The following FBXO34 variants were observed in gnomAD, a reference collection of about 807,000 sequenced individuals.
FBXO34 encodes F-box protein 34, also known as F-box only protein 34.
Under a neutral mutation model 24.5 loss-of-function variants are expected in FBXO34, and 12 were observed. The observed-to-expected ratio is 0.49, with a 90% CI of 0.31 to 0.79. The LOEUF (loss-of-function observed/expected upper bound fraction) is 0.79, where lower values mean the gene tolerates loss of function less well. Ranked by LOEUF, FBXO34 falls within the 30% of genes least tolerant of loss-of-function variation. FBXO34 has a pLI of 0.04. For synonymous variants in FBXO34, 320 were observed against 311.9 expected, an observed-to-expected ratio of 1.03 and a Z score of -0.27; for missense variants, 823 against 857.7, an observed-to-expected ratio of 0.96 and a Z score of 0.51.
At chr14:55,442,515 A>C in the FBXO34 span, among the ~76,000 whole-genome samples, 1 of 152,208 alleles carries the variant, frequency 6.6e-6, no homozygotes, top group Non-Finnish European at 1.5e-5. Context: ...CTGCTCAGTA[A>C]AACTGGATGG....
chr14:55,316,435 A>T (rs111280649), intron 1 of FBXO34, among the ~76,000 whole-genome samples: 8 of 151,872 alleles, frequency 5.3e-5, no homozygotes, highest in Non-Finnish European at 8.8e-5. Flanking sequence ...AAAATAAAAA[A>T]AAAAAAATTA....
chr14:55,408,585 A>AGATAG, the FBXO34 span, among the ~76,000 whole-genome samples: 3 of 152,152 alleles, frequency 2.0e-5, no homozygotes, highest in African/African-American at 4.8e-5. Context: ...AGCCTGGACA[A>AGATAG]GATAGGGAGA....
chr14:55,346,167 A>T (rs115287546), intron 1 of FBXO34, among the ~76,000 whole-genome samples: 81 of 152,344 alleles, frequency 5.3e-4, no homozygotes, highest in African/African-American at 1.9e-3. Context: ...CTAGTCTAGT[A>T]GTCATGGTTC....
At chr14:55,308,255 A>G (rs1882621151) in intron 1 of FBXO34, among the ~76,000 whole-genome samples, 2 of 152,194 alleles carry the variant, frequency 1.3e-5, no homozygotes, top group Admixed American at 6.5e-5. Flanking sequence ...TGTTCTAAAC[A>G]TATTTTTCAT....
In FBXO34 at chr14:55,350,627, A is replaced by G. The variant is rs1884322545; in HGVS notation, c.237A>G (p.Val79=). ...VLCSMSGKSP[V]ESSLNVKTKK... ...GCAGTATGAGTGGGAAGAGTCCTGT[A>G]GAGAGCAGCTTGAATGTTAAAACCA... Residue 79 remains valine (V), a synonymous_variant, in exon 2 of 2, where the codon GTA becomes GTG. Coordinates refer to ENST00000313833, the MANE Select transcript of FBXO34 (RefSeq NM_017943.4). 5.0e-6 allele frequency: 8 copies of G among 1,613,540 alleles called. 1 individual carries two copies. Among genetic ancestry groups the G allele is most frequent in the African/African-American group, 1.3e-5 (1 of 74,984 alleles).
chr14:55,311,042 ATATTG>A (rs2139743907), intron 1 of FBXO34, among the ~76,000 whole-genome samples: 2 of 152,322 alleles, frequency 1.3e-5, no homozygotes, highest in African/African-American at 4.8e-5. Context: ...TGCAATTTAC[ATATTG>A]TATTAGTCCA....
At chr14:55,388,959 C>G in the FBXO34 span, among the ~76,000 whole-genome samples, 1 of 150,602 alleles carries the variant, frequency 6.6e-6, no homozygotes, top group Non-Finnish European at 1.5e-5. Context: ...TTTTTTTTTT[C>G]AACATGGCGA....
rs770568478 is a variant in FBXO34 at position 55,281,660 on chromosome 14, A to G, written c.-11+10123A>G. 3.3e-5 allele frequency among the ~76,000 whole-genome samples: 5 copies of G among 152,268 alleles called. No individual in the cohort carries two copies. In the East Asian group the frequency reaches 7.7e-4, roughly 23 times the overall value. On this transcript the variant is annotated intron_variant, in intron 1 of 1. Coordinates refer to ENST00000313833, the MANE Select transcript of FBXO34 (RefSeq NM_017943.4). The stretch of plus-strand genomic sequence containing the variant: ...ATATTACATCTGTTTTACGAAGTCT[A>G]TTCCCATAAAACCTTGTTGGACTCA...
the FBXO34 span, among the ~76,000 whole-genome samples, chr14:55,439,930 C>CAAAAA: frequency 7.7e-5 from 3 of 39,180 alleles, no homozygotes; most frequent in African/African-American, 2.1e-4. Flanking sequence ...GACTCTGTCT[C>CAAAAA]AAAAAAAAAA....
the FBXO34 span, chr14:55,433,607 G>T: frequency 8.2e-6 from 13 of 1,589,694 alleles, no homozygotes; most frequent in African/African-American, 1.7e-4. Flanking sequence ...CTCTGGTAGG[G>T]GTGGAGGGAT....
intron 1 of FBXO34, among the ~76,000 whole-genome samples, chr14:55,300,655 C>T (rs1594737434): frequency 6.6e-6 from 1 of 152,132 alleles, no homozygotes; most frequent in African/African-American, 2.4e-5. Context: ...TTAATGATTA[C>T]ATCTGTGGTT....
the FBXO34 span, among the ~76,000 whole-genome samples, chr14:55,388,708 CA>C: frequency 6.6e-6 from 1 of 152,200 alleles, no homozygotes; most frequent in African/African-American, 2.4e-5. Flanking sequence ...AGCTCTTAAG[CA>C]TGAGTCCGAG....
intron 3 of FBXO34, among the ~76,000 whole-genome samples, chr14:55,358,741 G>A (rs2140101404): frequency 1.3e-5 from 2 of 152,266 alleles, no homozygotes; most frequent in South Asian, 4.1e-4. Context: ...GGGTAGTAGT[G>A]GGCAGGGTAG....
At chr14:55,302,223 C>A (rs1479536150) in intron 1 of FBXO34, among the ~76,000 whole-genome samples, 3 of 152,104 alleles carry the variant, frequency 2.0e-5, no homozygotes, top group South Asian at 4.1e-4. Context: ...ATCTGAACTT[C>A]TAGGTTTGAA....
chr14:55,283,469 CTTTT>C (rs199599790), intron 1 of FBXO34, among the ~76,000 whole-genome samples: 2 of 137,632 alleles, frequency 1.5e-5, no homozygotes, highest in Admixed American at 7.2e-5. Context: ...TTTTTTCTTT[CTTTT>C]TTTTTTTTTT....
chr14:55,283,972 GTGTC>G (rs1231833484), intron 1 of FBXO34, among the ~76,000 whole-genome samples: 3 of 148,340 alleles, frequency 2.0e-5, no homozygotes, highest in South Asian at 2.1e-4. Context: ...GTGTGTGTGT[GTGTC>G]TGTGTGTGTG....
At chr14:55,306,465 T>C (rs1882548575) in intron 1 of FBXO34, among the ~76,000 whole-genome samples, 1 of 152,250 alleles carries the variant, frequency 6.6e-6, no homozygotes, top group African/African-American at 2.4e-5. Flanking sequence ...TGATGTCAGA[T>C]CCAGTATCCA....
chr14:55,373,225 A>C (rs1884856346), downstream of FBXO34, among the ~76,000 whole-genome samples: 1 of 152,234 alleles, frequency 6.6e-6, no homozygotes, highest in African/African-American at 2.4e-5. Flanking sequence ...TTTTTATTCA[A>C]GACCCTGAAC....
chr14:55,403,728 C>T, the FBXO34 span, among the ~76,000 whole-genome samples: 3 of 152,038 alleles, frequency 2.0e-5, no homozygotes, highest in African/African-American at 7.2e-5. Context: ...ATTGTGTGAT[C>T]CCACTTTGGC....
Sources: gnomAD v4.1 joint callset for allele counts (sites outside exome capture counted in the v4.1 genomes callset) on GRCh38, gnomAD v4.1.1 for gene constraint, MANE v1.5 for transcripts, NCBI Gene and HGNC (gene_info 2026-07-23, HGNC 2026-07-21) for gene names.